The following SLC31A1 variants were observed in gnomAD, a reference collection of about 807,000 sequenced individuals.
SLC31A1 encodes the protein solute carrier family 31 member 1, also known as high affinity copper uptake protein 1.
In SLC31A1, 5 loss-of-function variants were observed where a neutral mutation model predicts 17.2. The observed-to-expected ratio is 0.29, with a 90% CI of 0.15 to 0.61. The LOEUF is 0.61. SLC31A1 is among the 20% of genes least tolerant of loss of function. The pLI, the probability that SLC31A1 is intolerant of heterozygous loss-of-function variation, is 0.86. For synonymous variants in SLC31A1, 76 were observed against 78.8 expected, an observed-to-expected ratio of 0.96 and a Z score of 0.19; for missense variants, 161 against 241.4, an observed-to-expected ratio of 0.67 and a Z score of 2.21.
chr9:113,254,009 C>T (rs181100102), intron 1 of SLC31A1, among the ~76,000 whole-genome samples: 96 of 125,240 alleles, frequency 7.7e-4, no homozygotes, highest in Middle Eastern at 7.0e-3. Flanking sequence ...GGCTGGAGTG[C>T]GGTAGTCCAA....
intron 1 of SLC31A1, among the ~76,000 whole-genome samples, chr9:113,225,568 A>C (rs1195928354): frequency 6.6e-6 from 1 of 152,222 alleles, no homozygotes; most frequent in East Asian, 1.9e-4. Context: ...TAATCTGTTA[A>C]AATTTTCAAT....
At chr9:113,229,249 C>G (rs1831376206) in intron 1 of SLC31A1, among the ~76,000 whole-genome samples, 1 of 152,224 alleles carries the variant, frequency 6.6e-6, no homozygotes, top group Admixed American at 6.6e-5. Flanking sequence ...CTACCCACTT[C>G]TGACCAGCTC....
At chr9:113,222,580 A>G (rs1831295043) in intron 1 of SLC31A1, among the ~76,000 whole-genome samples, 1 of 152,208 alleles carries the variant, frequency 6.6e-6, no homozygotes, top group South Asian at 2.1e-4. Flanking sequence ...GGTTGGTACT[A>G]CAGGTGTCCC....
At chr9:113,241,167 T>A (rs565890681) in intron 1 of SLC31A1, among the ~76,000 whole-genome samples, 1 of 152,170 alleles carries the variant, frequency 6.6e-6, no homozygotes, top group Non-Finnish European at 1.5e-5. Flanking sequence ...TGTAACAGAC[T>A]TAAATGCCAC....
Position 113,260,575 on chromosome 9 carries a change from G to GCTCTTACA in SLC31A1, c.*103_*104insTCTTACAC. On this transcript the variant is annotated 3_prime_UTR_variant, in exon 5 of 5. Coordinates refer to ENST00000374212, the MANE Select transcript of SLC31A1 (RefSeq NM_001859.4). The stretch of plus-strand genomic sequence containing the variant: ...ATCATCCCTTCTTGCTCCTCTTTGT[G>GCTCTTACA]CACGTACACACACACACACACACAC... 1.4e-6 allele frequency: 1 copy of GCTCTTACA among 734,294 alleles called. No individual in the cohort carries two copies. The allele number at this position is 734,294 out of a possible 1,614,324, so 45.5% of individuals were successfully genotyped here.
intron 1 of SLC31A1, among the ~76,000 whole-genome samples, chr9:113,223,459 T>C (rs1831309337): frequency 6.6e-6 from 1 of 152,188 alleles, no homozygotes; most frequent in South Asian, 2.1e-4. Flanking sequence ...TGGGCCAGGC[T>C]CCCTAAGCAC....
intron 1 of SLC31A1, among the ~76,000 whole-genome samples, chr9:113,250,533 T>G (rs1831637255): frequency 5.9e-5 from 6 of 102,318 alleles, no homozygotes; most frequent in East Asian, 3.4e-4. Context: ...TGTTGTGGGG[T>G]TGGGGGAGGG....
chr9:113,243,589 C>CG (rs1831544935), intron 1 of SLC31A1, among the ~76,000 whole-genome samples: 3 of 15,474 alleles, frequency 1.9e-4, no homozygotes, highest in African/African-American at 7.6e-4. Context: ...AGATGTGGGG[C>CG]GGGGGTGGGT....
chr9:113,221,962 G>A (rs1022417385), intron 1 of SLC31A1, among the ~76,000 whole-genome samples: 1 of 152,188 alleles, frequency 6.6e-6, no homozygotes, highest in African/African-American at 2.4e-5. Context: ...GAGCTCAGAG[G>A]CCATGGATTT....
intron 1 of SLC31A1, among the ~76,000 whole-genome samples, chr9:113,240,129 G>A (rs907903478): frequency 1.3e-5 from 2 of 151,986 alleles, no homozygotes; most frequent in African/African-American, 2.4e-5. Context: ...TTCTTTCACC[G>A]TTATTCTCTG....
intron 1 of SLC31A1, among the ~76,000 whole-genome samples, chr9:113,232,674 A>AT (rs146911862): frequency 4.7e-5 from 6 of 128,580 alleles, no homozygotes; most frequent in African/African-American, 9.4e-5. Flanking sequence ...TCTACTAAAA[A>AT]TTAAAAAAAA....
At chr9:113,255,018 A>G (rs1338082827) in intron 1 of SLC31A1, among the ~76,000 whole-genome samples, 2 of 152,212 alleles carry the variant, frequency 1.3e-5, no homozygotes, top group African/African-American at 4.8e-5. Context: ...TCTAGACTTA[A>G]TTTAATATAG....
intron 1 of SLC31A1, among the ~76,000 whole-genome samples, chr9:113,231,849 T>C (rs1166671103): frequency 6.6e-6 from 1 of 152,254 alleles, no homozygotes; most frequent in Non-Finnish European, 1.5e-5. Context: ...ATACGTTAAG[T>C]ACTCATAGTA....
At chr9:113,234,564 T>G (rs1259230530) in intron 1 of SLC31A1, among the ~76,000 whole-genome samples, 1 of 150,792 alleles carries the variant, frequency 6.6e-6, no homozygotes, top group Non-Finnish European at 1.5e-5. Context: ...GTATCTATGT[T>G]GTACATCTCT....
chr9:113,238,337 T>A (rs1831485729), intron 1 of SLC31A1, among the ~76,000 whole-genome samples: 2 of 152,184 alleles, frequency 1.3e-5, no homozygotes, highest in Admixed American at 1.3e-4. Flanking sequence ...CAAAATGTTG[T>A]TAATACTGAG....
chr9:113,239,797 T>C (rs1020596093), intron 1 of SLC31A1, among the ~76,000 whole-genome samples: 18 of 152,268 alleles, frequency 1.2e-4, no homozygotes, highest in African/African-American at 4.3e-4. Context: ...TTGGCCAGTC[T>C]GGTCTTGAAC....
chr9:113,236,652 A>G (rs575294056), intron 1 of SLC31A1, among the ~76,000 whole-genome samples: 5 of 152,220 alleles, frequency 3.3e-5, no homozygotes, highest in African/African-American at 7.2e-5. Context: ...ATGAGCCACC[A>G]CACCCGGCCC....
chr9:113,235,088 T>C (rs1587989107), intron 1 of SLC31A1, among the ~76,000 whole-genome samples: 1 of 152,184 alleles, frequency 6.6e-6, no homozygotes, highest in African/African-American at 2.4e-5. Context: ...TTGCAATGTG[T>C]GTGATGATAG....
At chr9:113,243,983 G>A (rs933096958) in intron 1 of SLC31A1, among the ~76,000 whole-genome samples, 3 of 151,622 alleles carry the variant, frequency 2.0e-5, no homozygotes, top group Non-Finnish European at 2.9e-5. Context: ...GTGAAACCTC[G>A]TCTCTACTAA....
Sources: allele counts gnomAD v4.1 joint callset (sites outside exome capture counted in the v4.1 genomes callset), GRCh38; gene constraint gnomAD v4.1.1; transcripts MANE v1.5; gene names NCBI Gene and HGNC (gene_info 2026-07-23, HGNC 2026-07-21).